CCDC141: variants seen among roughly 807,000 people sequenced by gnomAD.
CCDC141 encodes coiled-coil domain containing 141, also known as coiled-coil domain-containing protein 141.
In CCDC141, 168 loss-of-function variants were observed where a neutral mutation model predicts 181.0. The observed-to-expected ratio is 0.93, with a 90% CI of 0.82 to 1.05. CCDC141 has a LOEUF of 1.05. Among genes scored for constraint, CCDC141 ranks in the 50% least tolerant of loss-of-function variants. The pLI is 0.00. For synonymous variants in CCDC141, 666 were observed against 642.3 expected, an observed-to-expected ratio of 1.04 and a Z score of -0.56; for missense variants, 1,902 against 1,788.5, an observed-to-expected ratio of 1.06 and a Z score of -1.14.
At chr2:178,924,501 C>T (rs1463658125) in intron 6 of CCDC141, among the ~76,000 whole-genome samples, 2 of 150,600 alleles carry the variant, frequency 1.3e-5, no homozygotes, top group Admixed American at 1.3e-4. Context: ...TTTTTTTTTA[C>T]AGAAATGTTT....
intron 17 of CCDC141, 145 bp from the exon 18 acceptor site, chr2:178,856,542 CTCTT>C (rs1469694977): frequency 3.7e-5 from 19 of 510,018 alleles, no homozygotes; most frequent in East Asian, 3.0e-4. Flanking sequence ...CCCTCCCTCT[CTCTT>C]TCTTTCTTTC....
intron 14 of CCDC141, among the ~76,000 whole-genome samples, chr2:178,870,139 C>T (rs192347358): frequency 8.2e-4 from 117 of 142,484 alleles, no homozygotes; most frequent in African/African-American, 3.0e-3. Flanking sequence ...GGCTGAGACA[C>T]GAGAATCACT....
intron 2 of CCDC141, among the ~76,000 whole-genome samples, chr2:178,994,738 C>T (rs1031767094): frequency 3.3e-5 from 5 of 152,128 alleles, no homozygotes; most frequent in Non-Finnish European, 2.9e-5. Context: ...AAACTGAATG[C>T]CTTTAACAGC....
intron 7 of CCDC141, among the ~76,000 whole-genome samples, chr2:178,911,275 A>G (rs1688206649): frequency 6.6e-6 from 1 of 152,238 alleles, no homozygotes; most frequent in Non-Finnish European, 1.5e-5. Context: ...AGTGCTTAGC[A>G]GTTCTGTGCT....
intron 22 of CCDC141, 63 bp from the exon 23 acceptor site, chr2:178,837,807 C>T: frequency 6.5e-7 from 1 of 1,526,770 alleles, no homozygotes; most frequent in Non-Finnish European, 8.8e-7. Flanking sequence ...GTTTCAATTA[C>T]AGTAAAACTC....
At chr2:178,908,828 A>G (rs2154373394) in intron 7 of CCDC141, among the ~76,000 whole-genome samples, 2 of 152,346 alleles carry the variant, frequency 1.3e-5, no homozygotes, top group South Asian at 4.1e-4. Flanking sequence ...ACCTTAATAC[A>G]TGTCATGTTT....
intron 15 of CCDC141, among the ~76,000 whole-genome samples, chr2:178,868,843 G>A (rs1270329948): frequency 6.6e-6 from 1 of 152,172 alleles, no homozygotes; most frequent in Non-Finnish European, 1.5e-5. Context: ...ATTTAGATAA[G>A]AGGGAGGAGA....
At chr2:179,038,353 G>C (rs553278182) in intron 2 of CCDC141, among the ~76,000 whole-genome samples, 1 of 152,280 alleles carries the variant, frequency 6.6e-6, no homozygotes, top group Non-Finnish European at 1.5e-5. Context: ...GAGCTTACCA[G>C]TGGAAGTAAT....
chr2:178,961,536 C>A lies in CCDC141; in HGVS notation c.527-53G>T, dbSNP rs1359797294. 4 of 1,286,954 alleles carry A rather than the reference C, an allele frequency of 3.1e-6. No individual in the cohort carries two copies. The Admixed American group carries it at 7.4e-5, about 24-fold the overall frequency. The allele number at this position is 1,286,954 out of a possible 1,614,324, so 79.7% of individuals were successfully genotyped here. A position where few individuals can be genotyped will look rare whatever the true frequency, so the allele number is the denominator to read the frequency against. ...ATAATGATATTAGCAAGCTTTTATA[C>A]AGCAATATTCAGACTCTTCATAATT... On this transcript the variant is annotated intron_variant, in intron 4 of 23. Coordinates refer to ENST00000443758, the MANE Select transcript of CCDC141 (RefSeq NM_173648.4).
the CCDC141 span, among the ~76,000 whole-genome samples, chr2:178,819,403 A>G: frequency 2.0e-5 from 3 of 152,232 alleles, no homozygotes; most frequent in Non-Finnish European, 2.9e-5. Flanking sequence ...TAATCTACCC[A>G]GGATAACTAA....
rs1044194024 is a variant in CCDC141, at chr2:178,978,465, A to C, written c.417+19T>G. On this transcript the variant is annotated intron_variant, in intron 3 of 23. Transcript: ENST00000443758. Reference sequence around the variant, plus strand: ...TTTGCTCTGATGTGGGGAAGGGAGAAGTTTTTTAAAGTACAAACCTCTAAG... The same window carrying C: ...TTTGCTCTGATGTGGGGAAGGGAGACGTTTTTTAAAGTACAAACCTCTAAG... The C allele has an allele frequency of 1.8e-5, 25 of 1,391,018 alleles. No individual in the cohort carries two copies. The African/African-American group carries it at 3.7e-4, about 21-fold the overall frequency. The allele number at this position is 1,391,018 out of a possible 1,614,324, so 86.2% of individuals were successfully genotyped here.
At chr2:178,849,722 C>A (rs1685084953) in intron 21 of CCDC141, among the ~76,000 whole-genome samples, 1 of 152,066 alleles carries the variant, frequency 6.6e-6, no homozygotes. Context: ...TATTTATGAA[C>A]AAAACCATAG....
intron 2 of CCDC141, among the ~76,000 whole-genome samples, chr2:179,035,789 A>G (rs1257019192): frequency 2.6e-5 from 4 of 152,212 alleles, no homozygotes; most frequent in African/African-American, 9.6e-5. Flanking sequence ...GCTGGGGCCC[A>G]GAATATGGCA....
At position 178,899,479 on chromosome 2, in the gene CCDC141, TA is replaced by T. The variant is rs956615186; in HGVS notation, c.1265+5849del. On this transcript the variant is annotated intron_variant, in intron 8 of 23. Coordinates refer to ENST00000443758, the MANE Select transcript of CCDC141 (RefSeq NM_173648.4). ...ACTGGTGGTGCTGTCTCATTCAATT[TA>T]AAAAAACTCTATAAAATGTATATCT... Among the ~76,000 whole-genome samples, 79 of 152,180 alleles carry T rather than the reference TA, an allele frequency of 5.2e-4. 1 individual carries two copies. The highest frequency in any genetic ancestry group is 1.9e-3 in the African/African-American group (78 of 41,544).
Position 179,007,367 on chromosome 2 carries a change from A to C in CCDC141, c.226-28692T>G, listed in dbSNP as rs527763799. On this transcript the variant is annotated intron_variant, in intron 2 of 23. Coordinates refer to ENST00000443758, the MANE Select transcript of CCDC141 (RefSeq NM_173648.4). ...AATCCACATTTTTCATGGCTTCTCC[A>C]AACTGAACTTAATAAACATGTGAAG... Among the ~76,000 whole-genome samples, 187 of 152,342 alleles carry C rather than the reference A, an allele frequency of 1.2e-3. 1 individual carries two copies. The highest frequency in any genetic ancestry group is 4.0e-3 in the African/African-American group (168 of 41,584).
chr2:178,902,697 C>G (rs1220812708), intron 8 of CCDC141, among the ~76,000 whole-genome samples: 1 of 150,886 alleles, frequency 6.6e-6, no homozygotes, highest in Non-Finnish European at 1.5e-5. Flanking sequence ...TAGGCATGGG[C>G]AAGGACTTCA....
At chr2:178,984,118 C>A (rs866235714) in intron 2 of CCDC141, among the ~76,000 whole-genome samples, 168 of 152,170 alleles carry the variant, frequency 1.1e-3, no homozygotes, top group African/African-American at 4.0e-3. Context: ...GTGGATCTCT[C>A]GGCAGAAACC....
chr2:178,988,214 C>G (rs1000115764), intron 2 of CCDC141, among the ~76,000 whole-genome samples: 5 of 150,810 alleles, frequency 3.3e-5, no homozygotes, highest in African/African-American at 1.2e-4. Context: ...TAAACTATCG[C>G]AAGAACAAAA....
intron 6 of CCDC141, among the ~76,000 whole-genome samples, chr2:178,931,109 C>T (rs905688962): frequency 3.9e-5 from 6 of 152,070 alleles, no homozygotes; most frequent in African/African-American, 1.4e-4. Context: ...AAGTAAGAAT[C>T]ACAATGAACT....
Sources: allele counts gnomAD v4.1 joint callset (sites outside exome capture counted in the v4.1 genomes callset), GRCh38; gene constraint gnomAD v4.1.1; transcripts MANE v1.5; gene names NCBI Gene and HGNC (gene_info 2026-07-23, HGNC 2026-07-21).